Variants in MECR observed in about 807,000 individuals in gnomAD.
The protein encoded by MECR is mitochondrial trans-2-enoyl-CoA reductase, also known as enoyl-[acyl-carrier-protein] reductase, mitochondrial.
In MECR, 37 loss-of-function variants were observed where a neutral mutation model predicts 49.1. The observed-to-expected ratio is 0.75, with a 90% CI of 0.58 to 0.99. The LOEUF is 0.99. Ranked by LOEUF, MECR falls within the 50% of genes least tolerant of loss-of-function variation. The pLI is 0.00. For missense variants in MECR, 470 were observed against 479.6 expected (o/e 0.98, Z 0.19); for synonymous variants, 198 against 191.1 (o/e 1.04, Z -0.30).
intron 3 of MECR, among the ~76,000 whole-genome samples, chr1:29,213,994 G>A (rs111956050): frequency 0.011 from 1,616 of 151,854 alleles, 33 homozygotes; most frequent in African/African-American, 0.037. Flanking sequence ...TAGTACTGGG[G>A]TTCCTGGATC....
the MECR span, chr1:29,170,237 A>G: frequency 6.6e-6 from 1 of 152,106 alleles, no homozygotes; most frequent in South Asian, 2.1e-4. Context: ...TCAACCACAA[A>G]TTAAAAACGA....
At chr1:29,211,421 G>A (rs1166874135) in intron 3 of MECR, among the ~76,000 whole-genome samples, 1 of 152,154 alleles carries the variant, frequency 6.6e-6, no homozygotes, top group African/African-American at 2.4e-5. Context: ...TTTATATATT[G>A]CCTGTGGCTG....
chr1:29,178,353 C>CTTATTTTTTTTTTTTT, the MECR span, among the ~76,000 whole-genome samples: 1 of 127,908 alleles, frequency 7.8e-6, no homozygotes, highest in African/African-American at 3.0e-5. Flanking sequence ...GTTTCAATTA[C>CTTATTTTTTTTTTTTT]TTTTTTTTTT....
chr1:29,218,536 T>A (rs779803715), intron 1 of MECR, among the ~76,000 whole-genome samples: 1 of 152,250 alleles, frequency 6.6e-6, no homozygotes, highest in Non-Finnish European at 1.5e-5. Flanking sequence ...CTTTTAATTA[T>A]ACTGGAGGCT....
chr1:29,168,122 C>A, the MECR span, among the ~76,000 whole-genome samples: 61 of 151,444 alleles, frequency 4.0e-4, no homozygotes, highest in African/African-American at 1.4e-3. Flanking sequence ...TCAAGCAATT[C>A]TTGTACCTCA....
At position 29,228,236 on chromosome 1, in the gene MECR, T is replaced by A. The variant is rs145608388; in HGVS notation, c.176+2495A>T. Among the ~76,000 whole-genome samples the A allele has an allele frequency of 1.7e-3, 251 of 151,156 alleles. 2 individuals carry two copies. In the Middle Eastern group the frequency reaches 0.017, roughly 10 times the overall value. ...AAATAAATAAATAAATAAATAAATA[T>A]ATATATAAAATAAAAGCTGTCTGAT... On this transcript the variant is annotated intron_variant, in intron 1 of 9. Transcript: ENST00000263702.
chr1:29,179,535 A>T, the MECR span, among the ~76,000 whole-genome samples: 15 of 152,052 alleles, frequency 9.9e-5, no homozygotes, highest in South Asian at 2.1e-4. Context: ...AATTAAAAAA[A>T]TTTTTTTCTT....
rs981509764 is a variant in MECR, at chr1:29,201,471, A to G, written c.756+472T>C. On this transcript the variant is annotated intron_variant, in intron 6 of 9. Transcript: ENST00000263702. The surrounding 1 kb of genome is among the most constrained non-coding windows in gnomAD (Gnocchi z 4.3). ...ACTCTCTGGAGCCCTTATAAACTAT[A>G]TGATTTTGGTTAAGCATTTCCTCTT... 1.4e-5 allele frequency: 7 copies of G among 502,922 alleles called. No individual in the cohort carries two copies. Among genetic ancestry groups the G allele is most frequent in the Non-Finnish European group, 2.9e-5 (7 of 244,394 alleles). The allele number at this position is 502,922 out of a possible 1,614,324, so 31.2% of individuals were successfully genotyped here.
chr1:29,229,666 C>T (rs557211857), intron 1 of MECR, among the ~76,000 whole-genome samples: 5 of 152,314 alleles, frequency 3.3e-5, no homozygotes, highest in Admixed American at 3.3e-4. Context: ...GTGATTACCA[C>T]TATGAACTTT....
Position 29,222,615 on chromosome 1 carries a change from C to T in MECR, c.177-5930G>A, listed in dbSNP as rs183207384. Reference sequence around the variant, plus strand: ...CTGCCCCAAACAGCAGTTTGAGAAACGATGCTCTGGGCCCCTCGTTCTCTT... The same window carrying T: ...CTGCCCCAAACAGCAGTTTGAGAAATGATGCTCTGGGCCCCTCGTTCTCTT... On this transcript the variant is annotated intron_variant, in intron 1 of 9. Coordinates refer to ENST00000263702, the MANE Select transcript of MECR (RefSeq NM_016011.5). Among the ~76,000 whole-genome samples, 5 of 152,278 alleles carry T rather than the reference C, an allele frequency of 3.3e-5. No individual in the cohort carries two copies. The East Asian group carries it at 9.6e-4, about 29-fold the overall frequency.
At chr1:29,212,509 T>C (rs1678272421) in intron 3 of MECR, among the ~76,000 whole-genome samples, 2 of 152,172 alleles carry the variant, frequency 1.3e-5, no homozygotes, top group South Asian at 2.1e-4. Context: ...CAATTACCCA[T>C]ACACCTGGCA....
chr1:29,187,058 G>A, the MECR span, among the ~76,000 whole-genome samples: 1 of 152,292 alleles, frequency 6.6e-6, no homozygotes, highest in Non-Finnish European at 1.5e-5. Context: ...GTTGTGCCAG[G>A]ACTGAGCCTT....
At chr1:29,190,351 A>C (rs1673096294), downstream of MECR, among the ~76,000 whole-genome samples, 1 of 151,826 alleles carries the variant, frequency 6.6e-6, no homozygotes, top group Non-Finnish European at 1.5e-5. Flanking sequence ...ACTCCGTCTC[A>C]AAAAAACAAA....
At chr1:29,180,441 G>GA in the MECR span, among the ~76,000 whole-genome samples, 23 of 152,190 alleles carry the variant, frequency 1.5e-4, no homozygotes, top group African/African-American at 5.5e-4. Context: ...TAATTAATTT[G>GA]AAATGGCTTT....
intron 3 of MECR, among the ~76,000 whole-genome samples, chr1:29,208,172 T>C (rs1320921396): frequency 1.3e-5 from 2 of 152,138 alleles, no homozygotes; most frequent in Non-Finnish European, 2.9e-5. Flanking sequence ...TTTGTATTTT[T>C]AGTAGAGATG....
chr1:29,173,691 C>T, the MECR span, among the ~76,000 whole-genome samples: 2 of 149,482 alleles, frequency 1.3e-5, no homozygotes, highest in Admixed American at 6.7e-5. Context: ...TCAAGTGATC[C>T]GCCCACCTCA....
intron 1 of MECR, among the ~76,000 whole-genome samples, chr1:29,226,040 G>A (rs1223249331): frequency 2.0e-5 from 3 of 151,912 alleles, no homozygotes; most frequent in East Asian, 1.9e-4. Context: ...GTGGTGGCAC[G>A]CGCCTGTAAT....
At chr1:29,207,007 C>CT in intron 3 of MECR, 102 bp from the exon 4 acceptor site, 13 of 1,284,266 alleles carry the variant, frequency 1.0e-5, no homozygotes, top group African/African-American at 1.5e-5. Flanking sequence ...TAGTGGGTAG[C>CT]ATCCACTGGA....
intron 4 of MECR, among the ~76,000 whole-genome samples, chr1:29,205,216 G>A (rs571106376): frequency 1.3e-5 from 2 of 152,242 alleles, no homozygotes; most frequent in African/African-American, 4.8e-5. Flanking sequence ...ATGGTGTCTT[G>A]CTCTGTTGCC....
Sources: allele counts gnomAD v4.1 joint callset (sites outside exome capture counted in the v4.1 genomes callset), GRCh38; gene constraint gnomAD v4.1.1; non-coding constraint Gnocchi (gnomAD v3.1); transcripts MANE v1.5; gene names NCBI Gene and HGNC (gene_info 2026-07-23, HGNC 2026-07-21).